The following ARMC2 variants were observed in gnomAD, a reference collection of about 807,000 sequenced individuals.
ARMC2 encodes the protein armadillo repeat containing 2, also known as armadillo repeat-containing protein 2.
In ARMC2, 67 loss-of-function variants were observed where a neutral mutation model predicts 90.3. That is an observed-to-expected ratio of 0.74 (90% CI 0.61 to 0.91). The LOEUF (loss-of-function observed/expected upper bound fraction) is 0.91, where lower values mean the gene tolerates loss of function less well. Ranked by LOEUF, ARMC2 falls within the 40% of genes least tolerant of loss-of-function variation. The pLI, the probability that ARMC2 is intolerant of heterozygous loss-of-function variation, is 0.00. For missense variants in ARMC2, 920 were observed against 1,030.9 expected, an observed-to-expected ratio of 0.89 and a Z score of 1.47; for synonymous variants, 393 against 393.0, an observed-to-expected ratio of 1.00 and a Z score of 0.00.
the ARMC2 span, among the ~76,000 whole-genome samples, chr6:109,015,130 T>C: frequency 2.4e-3 from 361 of 152,222 alleles, 1 homozygote; most frequent in African/African-American, 8.3e-3. Context: ...ACTATTCAGG[T>C]AAACATTTTT....
chr6:108,856,634 A>G (rs1774644970), intron 2 of ARMC2: 1 of 182,112 alleles, frequency 5.5e-6, no homozygotes, highest in South Asian at 1.1e-4. Context: ...AGCTTCGCAA[A>G]TTCCTTGTGC....
intron 12 of ARMC2, 92 bp from the exon 13 acceptor site, chr6:108,952,941 A>T: frequency 8.3e-7 from 1 of 1,210,106 alleles, no homozygotes; most frequent in East Asian, 2.6e-5. Context: ...TTTACTATTA[A>T]TGCAATTGTG....
chr6:108,888,197 A>G (rs1770561859), intron 5 of ARMC2, among the ~76,000 whole-genome samples: 2 of 152,236 alleles, frequency 1.3e-5, no homozygotes, highest in Non-Finnish European at 2.9e-5. Flanking sequence ...TGTGAGGAAC[A>G]GTAGAAGGGA....
chr6:108,882,365 G>A (rs1294273627), intron 5 of ARMC2, among the ~76,000 whole-genome samples: 1 of 151,770 alleles, frequency 6.6e-6, no homozygotes, highest in Non-Finnish European at 1.5e-5. Flanking sequence ...CGTGAACCCG[G>A]GAGGCAGAGC....
intron 8 of ARMC2, among the ~76,000 whole-genome samples, chr6:108,904,682 G>A (rs912833032): frequency 4.0e-5 from 6 of 151,230 alleles, no homozygotes; most frequent in Non-Finnish European, 8.8e-5. Flanking sequence ...AGGAAGGAAG[G>A]AAAGGCAAGA....
chr6:108,857,873 C>T (rs1774806226), intron 2 of ARMC2, among the ~76,000 whole-genome samples: 1 of 152,094 alleles, frequency 6.6e-6, no homozygotes, highest in South Asian at 2.1e-4. Context: ...TAATTACAAA[C>T]ATTGGTTCAG....
At chr6:108,957,289 C>T (rs904935852) in intron 13 of ARMC2, among the ~76,000 whole-genome samples, 1 of 152,226 alleles carries the variant, frequency 6.6e-6, no homozygotes, top group African/African-American at 2.4e-5. Flanking sequence ...CACAGCTCGA[C>T]TCCTGGGTGA....
At chr6:109,043,774 C>T in the ARMC2 span, among the ~76,000 whole-genome samples, 1 of 152,118 alleles carries the variant, frequency 6.6e-6, no homozygotes, top group Non-Finnish European at 1.5e-5. Context: ...TCCATTTTTC[C>T]CATCTGTAAG....
At chr6:108,872,997 G>C (rs1361020970) in intron 4 of ARMC2, among the ~76,000 whole-genome samples, 2 of 152,174 alleles carry the variant, frequency 1.3e-5, no homozygotes, top group East Asian at 3.9e-4. Flanking sequence ...AAACCTGCTG[G>C]ACTGTGGGAT....
At chr6:108,958,328 C>T (rs1215169159) in intron 13 of ARMC2, among the ~76,000 whole-genome samples, 1 of 152,150 alleles carries the variant, frequency 6.6e-6, no homozygotes, top group East Asian at 1.9e-4. Context: ...ACAGATGCAC[C>T]TTTCGAGAAT....
intron 17 of ARMC2, among the ~76,000 whole-genome samples, chr6:108,970,494 C>CTTTTTTT (rs1156823883): frequency 2.0e-3 from 232 of 117,342 alleles, no homozygotes; most frequent in Non-Finnish European, 2.5e-3. Context: ...CTTCTCTTTT[C>CTTTTTTT]TTTTTTTTTT....
chr6:108,882,390 G>T (rs929208744), intron 5 of ARMC2, among the ~76,000 whole-genome samples: 3 of 148,442 alleles, frequency 2.0e-5, no homozygotes, highest in Non-Finnish European at 1.5e-5. Context: ...AGTGAGCCGA[G>T]ATCATGCCAC....
In ARMC2 at chr6:108,890,212, A is replaced by AC. The variant is rs1377346490; in HGVS notation, c.672-4255_672-4254insC. On this transcript the variant is annotated intron_variant, in intron 5 of 17. Coordinates refer to ENST00000392644, the MANE Select transcript of ARMC2 (RefSeq NM_032131.6). ...CTCAAAAAAAAAAAAAAAAAAAAAA[A>AC]AAAAAAAAAAAAAAAAACAGTGGTT... Among the ~76,000 whole-genome samples the AC allele has an allele frequency of 3.8e-4, 54 of 140,486 alleles. 3 individuals carry two copies. In the South Asian group the frequency reaches 7.8e-3, roughly 20 times the overall value. 92.2% of individuals were successfully genotyped at this position (140,486 alleles called of 152,430 possible). A position where few individuals can be genotyped will look rare whatever the true frequency, so the allele number is the denominator to read the frequency against.
chr6:109,029,347 T>C, the ARMC2 span, among the ~76,000 whole-genome samples: 14,032 of 152,260 alleles, frequency 0.092, 868 homozygotes, highest in Middle Eastern at 0.19. Flanking sequence ...TAAATGCACT[T>C]GATTTATGGC....
the ARMC2 span, among the ~76,000 whole-genome samples, chr6:109,012,069 A>T: frequency 6.6e-6 from 1 of 152,084 alleles, no homozygotes; most frequent in African/African-American, 2.4e-5. Context: ...GCTCCTCTCA[A>T]CCTCTAGGGC....
rs369290928 is a variant in ARMC2 at position 108,870,507 on chromosome 6, GAA to G, written c.463+1514_463+1515del. On this transcript the variant is annotated intron_variant, in intron 4 of 17. Transcript: ENST00000392644. ...GGAGAAAAAGAAAGAAAGAGAGAGA[GAA>G]AGAGAGAGACAGAAAGAGAAAGGAA... Among the ~76,000 whole-genome samples, 74 of 150,206 alleles carry G rather than the reference GAA, an allele frequency of 4.9e-4. No individual in the cohort carries two copies. The East Asian group carries it at 0.013, about 27-fold the overall frequency.
chr6:108,919,054 A>G (rs984435233), intron 10 of ARMC2, among the ~76,000 whole-genome samples: 2 of 152,168 alleles, frequency 1.3e-5, no homozygotes, highest in African/African-American at 4.8e-5. Flanking sequence ...TGTTAGGGTA[A>G]TGTATGGGAT....
intron 17 of ARMC2, among the ~76,000 whole-genome samples, chr6:108,971,784 G>A (rs1029458198): frequency 3.3e-5 from 5 of 152,038 alleles, no homozygotes; most frequent in Admixed American, 6.5e-5. Context: ...AGCTGGGTGT[G>A]GTGGCACATG....
the ARMC2 span, among the ~76,000 whole-genome samples, chr6:109,029,623 A>G: frequency 6.6e-5 from 10 of 152,062 alleles, no homozygotes; most frequent in African/African-American, 2.4e-4. Context: ...TGCAGTCTTG[A>G]GCTTGGGGCT....
Sources: gnomAD v4.1 joint callset for allele counts (sites outside exome capture counted in the v4.1 genomes callset) on GRCh38, gnomAD v4.1.1 for gene constraint, MANE v1.5 for transcripts, NCBI Gene and HGNC (gene_info 2026-07-23, HGNC 2026-07-21) for gene names.